The following NLRP4 variants were observed in gnomAD, a reference collection of about 807,000 sequenced individuals.
NLRP4 encodes NLR family pyrin domain containing 4.
Under a neutral mutation model 84.7 loss-of-function variants are expected in NLRP4, and 44 were observed. The observed-to-expected ratio is 0.52, with a 90% CI of 0.41 to 0.67. The LOEUF (loss-of-function observed/expected upper bound fraction) is 0.67. NLRP4 is among the 30% of genes least tolerant of loss of function. The pLI is 0.00. For missense variants in NLRP4, 1,260 were observed against 1,219.4 expected (o/e 1.03, Z -0.50); for synonymous variants, 544 against 476.4 (o/e 1.14, Z -1.85).
chr19:55,853,878 T>C, intron 2 of NLRP4, among the ~76,000 whole-genome samples: 1 of 146,620 alleles, frequency 6.8e-6, no homozygotes, highest in East Asian at 2.0e-4. Flanking sequence ...TCTTTCTCTC[T>C]TGCTATCTCT....
Position 55,861,330 on chromosome 19 carries a change from C to A in NLRP4, c.1857-56C>A, listed in dbSNP as rs1159331328. 1.0e-5 allele frequency: 15 copies of A among 1,500,548 alleles called. No individual in the cohort carries two copies. The South Asian group carries it at 1.5e-4, about 15-fold the overall frequency. The allele number at this position is 1,500,548 out of a possible 1,614,324, so 93.0% of individuals were successfully genotyped here. The stretch of plus-strand genomic sequence containing the variant: ...GACAGCGTAGTGCGTATATGTGTTA[C>A]AAGTGGCTCGTGTTGACCGCCTGCC... On this transcript the variant is annotated intron_variant, in intron 3 of 9. Transcript: ENST00000301295.
At chr19:55,846,232 C>A (rs537036337) in intron 1 of NLRP4, among the ~76,000 whole-genome samples, 9 of 152,306 alleles carry the variant, frequency 5.9e-5, no homozygotes, top group Non-Finnish European at 5.9e-5. Context: ...TTTCAGCTTT[C>A]TACTTACGGC....
intron 1 of NLRP4, among the ~76,000 whole-genome samples, chr19:55,848,837 C>T (rs6509964): frequency 6.6e-6 from 1 of 151,920 alleles, no homozygotes; most frequent in East Asian, 1.9e-4. Flanking sequence ...GTGGGAGATA[C>T]TTGAATCATG....
rs1985394168 is a variant in NLRP4, at chr19:55,876,907, A to G, written c.2526-89A>G. On this transcript the variant is annotated intron_variant, in intron 7 of 9. Transcript: ENST00000301295. ...CTGACGGTGCCTATCCACATGAATG[A>G]CAAAGGCTGTCGTGCTTTGGTGTCT... The G allele has an allele frequency of 4.6e-6, 5 of 1,081,608 alleles. No individual in the cohort carries two copies. The East Asian group carries it at 1.2e-4, about 26-fold the overall frequency. The allele number at this position is 1,081,608 out of a possible 1,614,324, so 67.0% of individuals were successfully genotyped here. A position where few individuals can be genotyped will look rare whatever the true frequency, so the allele number is the denominator to read the frequency against.
At chr19:55,861,762 C>T (rs979511478) in intron 4 of NLRP4, among the ~76,000 whole-genome samples, 2 of 152,154 alleles carry the variant, frequency 1.3e-5, no homozygotes, top group East Asian at 3.9e-4. Flanking sequence ...CTGGTCTCTA[C>T]CCTCTAGATC....
chr19:55,878,889 A>G lies in NLRP4; in HGVS notation c.2792A>G (p.Asn931Ser), dbSNP rs1443739796. ...CTGCAGCAGCTCAACCTGACCTTGA[A>G]CACCTTGGACCACACAGGGGTGGTT... ...KTLQQLNLTL[N>S]TLDHTGVVVL... Residue 931 changes from asparagine (N) to serine (S), a missense_variant, in exon 9 of 10, where the codon AAC (asparagine) becomes AGC (serine). This residue lies in a region of NLRP4 where 544 missense variants were observed against 531.7 expected (regional missense o/e 1.02). Transcript: ENST00000301295. 6.2e-7 allele frequency: 1 copy of G among 1,613,792 alleles called. No homozygotes were observed. Among genetic ancestry groups the G allele is most frequent in the Admixed American group, 1.7e-5 (1 of 59,976 alleles).
intron 1 of NLRP4, 83 bp from the exon 2 acceptor site, chr19:55,851,933 C>G: frequency 1.6e-6 from 1 of 635,640 alleles, no homozygotes; most frequent in East Asian, 2.9e-5. Context: ...TTGCCATCCC[C>G]CCAGTACTAG....
intron 6 of NLRP4, among the ~76,000 whole-genome samples, chr19:55,868,409 G>A (rs1451173863): frequency 2.0e-5 from 3 of 152,074 alleles, no homozygotes; most frequent in Non-Finnish European, 4.4e-5. Context: ...AAGTGTTAAA[G>A]GCCAATTGAT....
In NLRP4 at chr19:55,852,953, G is replaced by A. The variant is rs148256051; in HGVS notation, c.280+593G>A. On this transcript the variant is annotated intron_variant, in intron 2 of 9. Coordinates refer to ENST00000301295, the MANE Select transcript of NLRP4 (RefSeq NM_134444.5). ...GCCAGAAACTCTGTGAGGTGAAGTCGTTGCATAAGAACTATGCACCTGACT... is the reference window on the plus strand; with the variant it reads ...GCCAGAAACTCTGTGAGGTGAAGTCATTGCATAAGAACTATGCACCTGACT... 2.9e-4 allele frequency among the ~76,000 whole-genome samples: 44 copies of A among 152,296 alleles called. No individual in the cohort carries two copies. In the Middle Eastern group the frequency reaches 0.02, roughly 71 times the overall value.
chr19:55,881,547 T>A lies in NLRP4; in HGVS notation c.2945T>A (p.Ile982Asn). The A allele has an allele frequency of 6.2e-7, 1 of 1,607,546 alleles. No homozygotes were observed. Among genetic ancestry groups the A allele is most frequent in the Admixed American group, 1.7e-5 (1 of 59,978 alleles). The change falls in exon 10 of 10, where the codon ATC becomes AAC. Residue 982 changes from isoleucine to asparagine, a missense_variant. Coordinates refer to ENST00000301295, the MANE Select transcript of NLRP4 (RefSeq NM_134444.5). Reference protein sequence around the residue: ...AEEERNPNLTITDDCDTITRV... With the variant: ...AEEERNPNLTNTDDCDTITRV... Reference sequence around the variant, plus strand: ...GAAGAGAGAAATCCTAACCTGACCATCACAGACGACTGTGACACAATCACA... The same window carrying A: ...GAAGAGAGAAATCCTAACCTGACCAACACAGACGACTGTGACACAATCACA...
In NLRP4 at chr19:55,858,251, G is replaced by A; in HGVS notation, c.858G>A (p.Glu286=). 1.2e-6 allele frequency: 2 copies of A among 1,614,184 alleles called. No homozygotes were observed. Among genetic ancestry groups the A allele is most frequent in the Non-Finnish European group, 1.7e-6 (2 of 1,180,022 alleles). The change falls in exon 3 of 10, where the codon GAG becomes GAA. Residue 286 remains glutamate, a synonymous_variant. Transcript: ENST00000301295. The surrounding 1 kb of genome is among the most constrained non-coding windows in gnomAD (Gnocchi z 4.2). ...CTATCAAACCCGTGTGCCCGAAGGA[G>A]CTCCGGGATCAGGTGACGATCTCAG... ...LIAIKPVCPK[E]LRDQVTISEI...
In NLRP4 at chr19:55,858,683, T is replaced by C; in HGVS notation, c.1290T>C (p.Pro430=). Residue 430 remains proline, a synonymous_variant, in exon 3 of 10, where the codon CCT becomes CCC. Coordinates refer to ENST00000301295, the MANE Select transcript of NLRP4 (RefSeq NM_134444.5). The surrounding 1 kb of genome is among the most constrained non-coding windows in gnomAD (Gnocchi z 4.2). ...ATGGGGTTGTTGACGCTGACATCCCTGCGCTGCTGGGCACCAAGATACTTC... is the reference window on the plus strand; with the variant it reads ...ATGGGGTTGTTGACGCTGACATCCCCGCGCTGCTGGGCACCAAGATACTTC... ...RRNGVVDADI[P]ALLGTKILLK... 3 of 1,614,020 alleles carry C rather than the reference T, an allele frequency of 1.9e-6. No homozygotes were observed. The highest frequency in any genetic ancestry group is 2.5e-6 in the Non-Finnish European group (3 of 1,179,884).
Position 55,870,890 on chromosome 19 carries a change from CAA to C in NLRP4, c.2419_2420del (p.Lys807GlufsTer47). ...EYISEMLLRN[K>X]SVRYLDLSAN... ...ACATCTCTGAAATGCTTCTGCGTAA[CAA>C]GAGCGTGCGCTATCTAGACCTCAGT... On this transcript the variant is annotated frameshift_variant, in exon 7 of 10. Coordinates refer to ENST00000301295, the MANE Select transcript of NLRP4 (RefSeq NM_134444.5). LOFTEE classifies it high-confidence loss of function. 1 of 1,614,084 alleles carries C rather than the reference CAA, an allele frequency of 6.2e-7. No homozygotes were observed. Among genetic ancestry groups the C allele is most frequent in the Non-Finnish European group, 8.5e-7 (1 of 1,179,884 alleles).
intron 3 of NLRP4, among the ~76,000 whole-genome samples, chr19:55,859,912 G>A (rs1413750445): frequency 2.9e-5 from 3 of 103,774 alleles, no homozygotes; most frequent in African/African-American, 1.2e-4. Context: ...GGGTGACAGT[G>A]AGACTCTCAT....
rs117212164 is a variant in NLRP4 at position 55,857,878 on chromosome 19, C to T, written c.485C>T (p.Thr162Met). ...CAAGGACCACAAGGAATTGGAAAAA[C>T]GACACTCCTGATGAAGCTGATGATG... Reference protein sequence around the residue: ...IIQGPQGIGKTTLLMKLMMAW... With the variant: ...IIQGPQGIGKMTLLMKLMMAW... Residue 162 changes from threonine (T) to methionine (M), a missense_variant, in exon 3 of 10, where the codon ACG (threonine) becomes ATG (methionine). This residue lies in a region of NLRP4 where 712 missense variants were observed against 669.2 expected (regional missense o/e 1.06). Transcript: ENST00000301295. 8,338 of 1,614,042 alleles carry T rather than the reference C, an allele frequency of 5.2e-3. 48 individuals carry two copies. The highest frequency in any genetic ancestry group is 5.6e-3 in the Non-Finnish European group (6,660 of 1,179,948).
chr19:55,837,895 G>T (rs1983431912), intron 1 of NLRP4, among the ~76,000 whole-genome samples: 1 of 152,094 alleles, frequency 6.6e-6, no homozygotes, highest in South Asian at 2.1e-4. Context: ...AATCAGCTGG[G>T]TATGGTGGCA....
At chr19:55,856,655 A>G (rs991013930) in intron 2 of NLRP4, among the ~76,000 whole-genome samples, 5 of 151,170 alleles carry the variant, frequency 3.3e-5, no homozygotes, top group African/African-American at 1.2e-4. Flanking sequence ...AGCTGGGACT[A>G]CAGGCACACA....
intron 2 of NLRP4, among the ~76,000 whole-genome samples, chr19:55,853,929 T>TTCTCTC (rs900993418): frequency 6.8e-6 from 1 of 146,512 alleles, no homozygotes; most frequent in Non-Finnish European, 1.5e-5. Context: ...CTCTTTCTCT[T>TTCTCTC]TCTCTCTCTC....
intron 1 of NLRP4, among the ~76,000 whole-genome samples, chr19:55,846,601 T>C (rs902032579): frequency 6.6e-6 from 1 of 152,192 alleles, no homozygotes; most frequent in Non-Finnish European, 1.5e-5. Context: ...ACTGATATTA[T>C]ATATCTAATA....
Sources: allele counts gnomAD v4.1 joint callset (sites outside exome capture counted in the v4.1 genomes callset), GRCh38; gene constraint gnomAD v4.1.1; regional missense constraint gnomAD v4.1.1; non-coding constraint Gnocchi (gnomAD v3.1); transcripts MANE v1.5; gene names NCBI Gene and HGNC (gene_info 2026-07-23, HGNC 2026-07-21).